Variants in PLCB1 observed in about 807,000 individuals in gnomAD.
PLCB1 encodes phospholipase C beta 1, also known as 1-phosphatidylinositol 4,5-bisphosphate phosphodiesterase beta-1.
In PLCB1, 46 loss-of-function variants were observed where a neutral mutation model predicts 161.8. That is an observed-to-expected ratio of 0.28 (90% CI 0.22 to 0.36). The LOEUF (loss-of-function observed/expected upper bound fraction) is 0.36. Ranked by LOEUF, PLCB1 falls within the 10% of genes least tolerant of loss-of-function variation. PLCB1 has a pLI of 1.00. For synonymous variants in PLCB1, 517 were observed against 503.7 expected (o/e 1.03, Z -0.35); for missense variants, 1,016 against 1,472.5 (o/e 0.69, Z 5.07).
rs377337870 is a variant in PLCB1, at chr20:8,756,108, T to C, written c.2524-938T>C. On this transcript the variant is annotated intron_variant, in intron 23 of 31. Transcript: ENST00000338037. ...TTTTTTGGGTTTTTGTGGGTGTTGT[T>C]GTTGTTTTAATATAAGGGACTCCAT... 1.9e-4 allele frequency among the ~76,000 whole-genome samples: 29 copies of C among 152,330 alleles called. No individual in the cohort carries two copies. In the East Asian group the frequency reaches 2.1e-3, roughly 11 times the overall value.
intron 3 of PLCB1, among the ~76,000 whole-genome samples, chr20:8,483,284 A>G (rs2327069): frequency 0.49 from 73,956 of 152,038 alleles, 19,006 homozygotes; most frequent in East Asian, 0.66. Context: ...AGTGTGATTG[A>G]CTGGGATGGG....
At chr20:8,588,753 TTC>T (rs1231773112) in intron 3 of PLCB1, among the ~76,000 whole-genome samples, 1 of 152,154 alleles carries the variant, frequency 6.6e-6, no homozygotes, top group Non-Finnish European at 1.5e-5. Context: ...GAAAATACAA[TTC>T]TCCTGTTTCA....
At chr20:8,244,140 A>G (rs1980755269) in intron 2 of PLCB1, among the ~76,000 whole-genome samples, 1 of 151,866 alleles carries the variant, frequency 6.6e-6, no homozygotes, top group Non-Finnish European at 1.5e-5. Context: ...GATAACGAGA[A>G]CTCTAGTGCA....
intron 31 of PLCB1, among the ~76,000 whole-genome samples, chr20:8,797,341 T>A (rs1323001901): frequency 6.6e-6 from 1 of 152,192 alleles, no homozygotes; most frequent in Non-Finnish European, 1.5e-5. Flanking sequence ...TCCTCAGTTC[T>A]GCAAAAACTC....
chr20:8,828,154 G>A (rs370881199), intron 31 of PLCB1, among the ~76,000 whole-genome samples: 1 of 152,170 alleles, frequency 6.6e-6, no homozygotes, highest in Non-Finnish European at 1.5e-5. Context: ...GCATTGGGGG[G>A]TGTGATGGTG....
At chr20:8,378,005 T>C (rs1001931337) in intron 3 of PLCB1, among the ~76,000 whole-genome samples, 1 of 152,104 alleles carries the variant, frequency 6.6e-6, no homozygotes, top group African/African-American at 2.4e-5. Context: ...ATTGCCAGCA[T>C]TTAGACTTTG....
intron 31 of PLCB1, among the ~76,000 whole-genome samples, chr20:8,833,106 C>T (rs1369577579): frequency 3.3e-5 from 5 of 152,190 alleles, no homozygotes; most frequent in African/African-American, 9.7e-5. Flanking sequence ...CTTGGGTCTT[C>T]CATGTGGGCC....
chr20:8,402,528 C>T (rs1034060905), intron 3 of PLCB1, among the ~76,000 whole-genome samples: 1 of 151,934 alleles, frequency 6.6e-6, no homozygotes, highest in East Asian at 1.9e-4. Flanking sequence ...TGTACTTCAC[C>T]GAATCTTTTA....
chr20:8,347,495 A>G (rs1986035070), intron 2 of PLCB1, among the ~76,000 whole-genome samples: 1 of 152,228 alleles, frequency 6.6e-6, no homozygotes, highest in African/African-American at 2.4e-5. Context: ...TGTCTAAAAT[A>G]AATTTCATGT....
rs1986765970 is a variant in PLCB1 at position 8,579,396 on chromosome 20, G to A, written c.247-48898G>A. 2.6e-5 allele frequency among the ~76,000 whole-genome samples: 4 copies of A among 152,164 alleles called. No individual in the cohort carries two copies. The South Asian group carries it at 8.3e-4, about 31-fold the overall frequency. On this transcript the variant is annotated intron_variant, in intron 3 of 31. Coordinates refer to ENST00000338037, the MANE Select transcript of PLCB1 (RefSeq NM_015192.4). Reference sequence around the variant, plus strand: ...ACAGCAAGTCTACCTTCACACATGTGAGCAGGCTCAGTCAAGGCAAGCACG... The same window carrying A: ...ACAGCAAGTCTACCTTCACACATGTAAGCAGGCTCAGTCAAGGCAAGCACG...
intron 3 of PLCB1, among the ~76,000 whole-genome samples, chr20:8,516,208 A>G (rs2143206): frequency 0.25 from 37,642 of 152,116 alleles, 5,313 homozygotes; most frequent in African/African-American, 0.38. Context: ...GCCAAACCGT[A>G]TCATCATCTC....
intron 2 of PLCB1, among the ~76,000 whole-genome samples, chr20:8,169,649 T>C (rs1232890032): frequency 6.6e-6 from 1 of 152,154 alleles, no homozygotes; most frequent in Non-Finnish European, 1.5e-5. Context: ...CAGATAATAC[T>C]GCCAAGTTGC....
At chr20:8,208,197 T>C (rs1009502995) in intron 2 of PLCB1, among the ~76,000 whole-genome samples, 14 of 152,172 alleles carry the variant, frequency 9.2e-5, no homozygotes, top group African/African-American at 3.4e-4. Context: ...TAGGTCCTAT[T>C]CTGGGGCCCC....
At chr20:8,410,037 T>G in intron 3 of PLCB1, among the ~76,000 whole-genome samples, 1 of 152,216 alleles carries the variant, frequency 6.6e-6, no homozygotes, top group East Asian at 1.9e-4. Flanking sequence ...ACTGTAATTT[T>G]TTATAAATAA....
intron 3 of PLCB1, among the ~76,000 whole-genome samples, chr20:8,605,661 T>C (rs933239624): frequency 6.6e-6 from 1 of 150,650 alleles, no homozygotes; most frequent in Non-Finnish European, 1.5e-5. Context: ...TTTTAAAAAA[T>C]AGATTCAGGG....
At chr20:8,613,162 G>A (rs141017442) in intron 3 of PLCB1, among the ~76,000 whole-genome samples, 211 of 152,290 alleles carry the variant, frequency 1.4e-3, no homozygotes, top group Non-Finnish European at 2.8e-3. Context: ...CACAAGAAGT[G>A]CCCAATACTG....
At chr20:8,141,621 CGA>C (rs1491362834) in intron 1 of PLCB1, among the ~76,000 whole-genome samples, 3 of 108,320 alleles carry the variant, frequency 2.8e-5, no homozygotes, top group African/African-American at 4.0e-5. Flanking sequence ...AGCGATACTC[CGA>C]AAAAAAAAAA....
intron 2 of PLCB1, among the ~76,000 whole-genome samples, chr20:8,169,037 C>G (rs1226739504): frequency 1.3e-5 from 2 of 152,004 alleles, no homozygotes; most frequent in African/African-American, 4.8e-5. Flanking sequence ...TTACTCTGAG[C>G]TCATCTTTTT....
At chr20:8,603,004 T>C (rs1272973489) in intron 3 of PLCB1, among the ~76,000 whole-genome samples, 2 of 151,412 alleles carry the variant, frequency 1.3e-5, no homozygotes, top group Non-Finnish European at 2.9e-5. Context: ...CAGATATATA[T>C]AACTCATTGT....
Sources: gnomAD v4.1 joint callset for allele counts (sites outside exome capture counted in the v4.1 genomes callset) on GRCh38, gnomAD v4.1.1 for gene constraint, MANE v1.5 for transcripts, NCBI Gene and HGNC (gene_info 2026-07-23, HGNC 2026-07-21) for gene names.